The following SNRPN variants were observed in gnomAD, a reference collection of about 807,000 sequenced individuals.
SNRPN encodes the protein small nuclear ribonucleoprotein-associated protein N.
In SNRPN, 7 loss-of-function variants were observed where a neutral mutation model predicts 25.2. That is an observed-to-expected ratio of 0.28 (90% CI 0.16 to 0.52). SNRPN has a LOEUF of 0.52. Ranked by LOEUF, SNRPN falls within the 20% of genes least tolerant of loss-of-function variation. SNRPN has a pLI of 0.96. For synonymous variants in SNRPN, 124 were observed against 110.6 expected (o/e 1.12, Z -0.76); for missense variants, 196 against 322.5 (o/e 0.61, Z 3.00).
chr15:24,912,512 A>T (rs758907009), intron 2 of SNRPN: 7 of 152,182 alleles, frequency 4.6e-5, no homozygotes, highest in Non-Finnish European at 8.8e-5. Context: ...ACTAAGATGG[A>T]ATGGACATAT....
chr15:24,909,588 A>G, intron 2 of SNRPN: 1 of 1,284,712 alleles, frequency 7.8e-7, no homozygotes, highest in Non-Finnish European at 1.1e-6. Context: ...TCGTGTGCAT[A>G]TGCTGTGCAG....
intron 1 of SNRPN, among the ~76,000 whole-genome samples, chr15:24,876,168 TTTTAA>T (rs2055849903): frequency 6.6e-6 from 1 of 152,232 alleles, no homozygotes; most frequent in Admixed American, 6.5e-5. Flanking sequence ...TAATATTTGT[TTTTAA>T]TTTGTCTTGC....
At chr15:24,824,230 G>A (rs1595295504) in intron 1 of SNRPN, among the ~76,000 whole-genome samples, 2 of 152,150 alleles carry the variant, frequency 1.3e-5, no homozygotes, top group East Asian at 1.9e-4. Context: ...TTTAAATTAC[G>A]TGGCTTAGTT....
Position 24,978,598 on chromosome 15 carries a change from T to C in SNRPN, c.*154T>C, listed in dbSNP as rs764681456. ...TTAAACTGTGAGGTACTGTTGTATA[T>C]ATTTTTTTGCCTGTTGATTTTGATG... On this transcript the variant is annotated 3_prime_UTR_variant, in exon 10 of 10. Transcript: ENST00000390687. 1 of 741,142 alleles carries C rather than the reference T, an allele frequency of 1.3e-6. No individual in the cohort carries two copies. The highest frequency in any genetic ancestry group is 2.3e-6 in the Non-Finnish European group (1 of 439,962). The allele number at this position is 741,142 out of a possible 1,614,324, so 45.9% of individuals were successfully genotyped here.
At chr15:24,926,611 G>A (rs2060396053) in intron 3 of SNRPN, among the ~76,000 whole-genome samples, 1 of 143,842 alleles carries the variant, frequency 7.0e-6, no homozygotes, top group Admixed American at 6.9e-5. Flanking sequence ...GTACATACAT[G>A]GATTCTGGTT....
rs1162472443 is a variant in SNRPN at position 24,834,933 on chromosome 15, A to G, written c.-579+5028A>G. Among the ~76,000 whole-genome samples the G allele has an allele frequency of 9.8e-5, 12 of 122,672 alleles. 1 individual carries two copies. The highest frequency in any genetic ancestry group is 2.0e-4 in the Non-Finnish European group (12 of 60,418). 80.5% of individuals were successfully genotyped at this position (122,672 alleles called of 152,430 possible). ...AGCGAGACTCCATCTGAAAAAAAAA[A>G]AAGAAATGCATATAATATATATAGT... On this transcript the variant is annotated intron_variant, in intron 2 of 12. Transcript: ENST00000400100.
At chr15:24,938,387 C>T (rs1168586351) in intron 3 of SNRPN, among the ~76,000 whole-genome samples, 1 of 152,070 alleles carries the variant, frequency 6.6e-6, no homozygotes, top group Non-Finnish European at 1.5e-5. Flanking sequence ...CTTGGCCTCC[C>T]AAAGTGCTGG....
chr15:24,905,689 G>A (rs529106741), intron 2 of SNRPN, among the ~76,000 whole-genome samples: 6 of 152,188 alleles, frequency 3.9e-5, no homozygotes, highest in African/African-American at 7.2e-5. Flanking sequence ...TTAGTTTAGC[G>A]AAAATAAAAG....
chr15:24,856,452 A>T (rs2053393824), upstream of SNRPN: 1 of 152,172 alleles, frequency 6.6e-6, no homozygotes, highest in South Asian at 2.1e-4. Flanking sequence ...GGTGGCAGAA[A>T]CCCCTGCAGA....
At chr15:24,975,714 A>G (rs960859957) in intron 5 of SNRPN, among the ~76,000 whole-genome samples, 10 of 152,200 alleles carry the variant, frequency 6.6e-5, no homozygotes, top group Admixed American at 5.2e-4. Context: ...ACAATCATGG[A>G]TTTATTACTG....
At chr15:24,828,321 A>G (rs2050245027) in intron 1 of SNRPN, among the ~76,000 whole-genome samples, 1 of 152,100 alleles carries the variant, frequency 6.6e-6, no homozygotes, top group Non-Finnish European at 1.5e-5. Context: ...TTCTGTAGGT[A>G]TTGAATGCAG....
At chr15:24,974,154 G>C (rs1012288762) in intron 3 of SNRPN, 157 bp from the exon 4 acceptor site, 6 of 401,404 alleles carry the variant, frequency 1.5e-5, no homozygotes, top group Non-Finnish European at 2.7e-5. Context: ...TTAAGAATGA[G>C]GGACTAGGGA....
chr15:24,929,627 TGAG>T lies in SNRPN; in HGVS notation c.-391+9504_-391+9506del, dbSNP rs1273658028. Among the ~76,000 whole-genome samples the T allele has an allele frequency of 3.9e-5, 6 of 152,030 alleles. No homozygotes were observed. The East Asian group carries it at 1.2e-3, about 30-fold the overall frequency. On this transcript the variant is annotated intron_variant, in intron 3 of 11. Transcript: ENST00000400097. The surrounding 1 kb of genome is among the most constrained non-coding windows in gnomAD (Gnocchi z 5.3). The stretch of plus-strand genomic sequence containing the variant: ...GCAGAAATGGCCCAGGGCCCTGGGC[TGAG>T]ACCCAGCCAACTCTCTATGGGGCTG...
intron 1 of SNRPN, among the ~76,000 whole-genome samples, chr15:24,882,555 G>A (rs1412778541): frequency 2.0e-5 from 3 of 152,012 alleles, no homozygotes; most frequent in African/African-American, 4.8e-5. Context: ...GGCCAGGCAC[G>A]GTGGCTTACG....
At chr15:24,954,822 T>C (rs2153261978), upstream of SNRPN, 3 of 616,254 alleles carry the variant, frequency 4.9e-6, no homozygotes, top group Non-Finnish European at 8.5e-6. Context: ...TGTGGGGCCC[T>C]AGGGGTCCAG....
In SNRPN at chr15:24,929,293, C is replaced by G. The variant is rs1390423766; in HGVS notation, c.-391+9169C>G. ...AGCTTCCTTCCACATTAAGAACCCT[C>G]TCTCCCAGTGAGTGTCACCCCATTT... On this transcript the variant is annotated intron_variant, in intron 3 of 11. Coordinates refer to the SNRPN transcript ENST00000400097. This position sits in a 1 kb window ranked among gnomAD's most constrained non-coding sequence, Gnocchi z 5.3. 2.0e-5 allele frequency among the ~76,000 whole-genome samples: 3 copies of G among 152,134 alleles called. No homozygotes were observed. The highest frequency in any genetic ancestry group is 7.2e-5 in the African/African-American group (3 of 41,420).
At chr15:24,961,275 A>G (rs939914394) in intron 1 of SNRPN, among the ~76,000 whole-genome samples, 4 of 152,186 alleles carry the variant, frequency 2.6e-5, no homozygotes, top group African/African-American at 9.7e-5. Context: ...TTGGTAAGCT[A>G]TTTTACCAAT....
At chr15:24,944,435 G>A (rs577861364) in intron 3 of SNRPN, among the ~76,000 whole-genome samples, 19 of 152,268 alleles carry the variant, frequency 1.2e-4, no homozygotes, top group African/African-American at 3.1e-4. Flanking sequence ...TGGGCTGGGC[G>A]TTGTGGGATC....
In SNRPN at chr15:24,929,517, T is replaced by C. The variant is rs531794389; in HGVS notation, c.-391+9393T>C. Reference sequence around the variant, plus strand: ...AAGATGGGGAATACTTGCAGGCACCTGGGAAGCTCAGGGAAGCTGCAGGTA... The same window carrying C: ...AAGATGGGGAATACTTGCAGGCACCCGGGAAGCTCAGGGAAGCTGCAGGTA... On this transcript the variant is annotated intron_variant, in intron 3 of 11. Coordinates refer to the SNRPN transcript ENST00000400097. The surrounding 1 kb of genome is among the most constrained non-coding windows in gnomAD (Gnocchi z 5.3). Among the ~76,000 whole-genome samples, 1 of 152,104 alleles carries C rather than the reference T, an allele frequency of 6.6e-6. No individual in the cohort carries two copies. Among genetic ancestry groups the C allele is most frequent in the Non-Finnish European group, 1.5e-5 (1 of 68,032 alleles).
Sources: gnomAD v4.1 joint callset for allele counts (sites outside exome capture counted in the v4.1 genomes callset) on GRCh38, gnomAD v4.1.1 for gene constraint, Gnocchi (gnomAD v3.1) non-coding constraint, MANE v1.5 for transcripts, NCBI Gene and HGNC (gene_info 2026-07-23, HGNC 2026-07-21) for gene names.